The following EEFSEC variants were observed in gnomAD, a reference collection of about 807,000 sequenced individuals.
EEFSEC encodes the protein eukaryotic elongation factor, selenocysteine-tRNA specific, also known as selenocysteine-specific elongation factor.
Under a neutral mutation model 42.1 loss-of-function variants are expected in EEFSEC, and 43 were observed. The ratio of observed to expected loss-of-function variants is 1.02; its 90% CI spans 0.80 to 1.32. The LOEUF (loss-of-function observed/expected upper bound fraction) is 1.32, where lower values mean the gene tolerates loss of function less well. EEFSEC is among the 40% of genes most tolerant of loss of function. The pLI, the probability that EEFSEC is intolerant of heterozygous loss-of-function variation, is 0.00. For synonymous variants in EEFSEC, 354 were observed against 339.1 expected (o/e 1.04, Z -0.48); for missense variants, 745 against 803.6 (o/e 0.93, Z 0.88).
chr3:128,340,324 C>A (rs1020879516), intron 4 of EEFSEC, among the ~76,000 whole-genome samples: 8 of 151,522 alleles, frequency 5.3e-5, no homozygotes, highest in African/African-American at 1.9e-4. Context: ...TTCTTTATAG[C>A]ATATGTTGTC....
chr3:128,374,285 T>C (rs985132422), intron 6 of EEFSEC, among the ~76,000 whole-genome samples: 4 of 152,230 alleles, frequency 2.6e-5, no homozygotes, highest in Non-Finnish European at 5.9e-5. Flanking sequence ...CTGCTGTTCA[T>C]GTTTTCCCCT....
intron 4 of EEFSEC, among the ~76,000 whole-genome samples, chr3:128,318,991 G>A (rs1347394052): frequency 2.6e-5 from 4 of 152,078 alleles, no homozygotes; most frequent in Admixed American, 2.0e-4. Context: ...TCCTGGACAG[G>A]GTCTGAATCT....
At chr3:128,265,872 T>G (rs939246463) in intron 4 of EEFSEC, among the ~76,000 whole-genome samples, 1 of 152,256 alleles carries the variant, frequency 6.6e-6, no homozygotes, top group African/African-American at 2.4e-5. Flanking sequence ...TGTAGATATC[T>G]GTATCTCCTA....
chr3:128,318,450 C>G (rs1232659742), intron 4 of EEFSEC, among the ~76,000 whole-genome samples: 1 of 152,180 alleles, frequency 6.6e-6, no homozygotes, highest in East Asian at 1.9e-4. Flanking sequence ...AGCTCCCTGT[C>G]CCACCCGTTC....
intron 6 of EEFSEC, among the ~76,000 whole-genome samples, chr3:128,360,991 T>C (rs1027350310): frequency 2.1e-5 from 3 of 143,082 alleles, no homozygotes; most frequent in Admixed American, 7.1e-5. Context: ...GCCTGAGCCA[T>C]CCAGTGCCAG....
chr3:128,212,762 G>A (rs1201576295), intron 1 of EEFSEC, among the ~76,000 whole-genome samples: 2 of 152,218 alleles, frequency 1.3e-5, no homozygotes, highest in South Asian at 2.1e-4. Flanking sequence ...TCAAAATTCA[G>A]ATAGTCTCTG....
intron 4 of EEFSEC, among the ~76,000 whole-genome samples, chr3:128,278,194 T>C (rs113106130): frequency 2.0e-4 from 31 of 152,310 alleles, no homozygotes; most frequent in African/African-American, 6.5e-4. Context: ...AGCCAGGACC[T>C]TTCTGGGGAC....
chr3:128,177,501 A>G (rs1559855917), intron 1 of EEFSEC, among the ~76,000 whole-genome samples: 2 of 150,928 alleles, frequency 1.3e-5, no homozygotes, highest in South Asian at 2.1e-4. Context: ...TAAACTATCA[A>G]TAAAGCATTA....
rs185487967 is a variant in EEFSEC, at chr3:128,263,857, G to A, written c.622-760G>A. Reference sequence around the variant, plus strand: ...GGTGAGGCTGAGGCGTGTGGAGTCCGCAGAGAAGGAAGGACCCTGGGAACA... The same window carrying A: ...GGTGAGGCTGAGGCGTGTGGAGTCCACAGAGAAGGAAGGACCCTGGGAACA... On this transcript the variant is annotated intron_variant, in intron 3 of 6. Coordinates refer to ENST00000254730, the MANE Select transcript of EEFSEC (RefSeq NM_021937.5). Among the ~76,000 whole-genome samples, 84 of 152,312 alleles carry A rather than the reference G, an allele frequency of 5.5e-4. No individual in the cohort carries two copies. The Middle Eastern group carries it at 0.02, about 37-fold the overall frequency.
chr3:128,280,160 A>G, intron 4 of EEFSEC, among the ~76,000 whole-genome samples: 1 of 152,232 alleles, frequency 6.6e-6, no homozygotes, highest in East Asian at 1.9e-4. Flanking sequence ...CTGTCTGCAT[A>G]TGTTTGTATA....
intron 4 of EEFSEC, among the ~76,000 whole-genome samples, chr3:128,339,281 G>C (rs2067224132): frequency 6.6e-6 from 1 of 152,150 alleles, no homozygotes; most frequent in African/African-American, 2.4e-5. Flanking sequence ...CTCCAGGAAA[G>C]GTCCTGGGCT....
At chr3:128,258,730 G>GT (rs1181200103) in intron 2 of EEFSEC, among the ~76,000 whole-genome samples, 3 of 152,106 alleles carry the variant, frequency 2.0e-5, no homozygotes, top group Non-Finnish European at 4.4e-5. Context: ...CTATCATATC[G>GT]TTTTTTCGTT....
chr3:128,320,837 G>A (rs1295277242), intron 4 of EEFSEC, among the ~76,000 whole-genome samples: 1 of 152,178 alleles, frequency 6.6e-6, no homozygotes, highest in Non-Finnish European at 1.5e-5. Flanking sequence ...ACTCCTGGAC[G>A]GGAGCTTCCT....
intron 4 of EEFSEC, among the ~76,000 whole-genome samples, chr3:128,327,154 A>G (rs2067072759): frequency 6.6e-6 from 1 of 152,226 alleles, no homozygotes; most frequent in South Asian, 2.1e-4. Context: ...ATGGACTTTC[A>G]GACTGCTGCC....
intron 2 of EEFSEC, among the ~76,000 whole-genome samples, chr3:128,249,523 T>C (rs2066162238): frequency 6.6e-6 from 1 of 152,184 alleles, no homozygotes; most frequent in African/African-American, 2.4e-5. Flanking sequence ...CTGTCCCCAC[T>C]ATATATACCC....
At chr3:128,209,434 C>T (rs2955128) in intron 1 of EEFSEC, among the ~76,000 whole-genome samples, 21,994 of 152,084 alleles carry the variant, frequency 0.14, 1,714 homozygotes, top group Admixed American at 0.2. Context: ...ATGTGGGGAA[C>T]TTGGATGGTA....
chr3:128,322,225 C>T (rs1460209417), intron 4 of EEFSEC, among the ~76,000 whole-genome samples: 2 of 152,242 alleles, frequency 1.3e-5, no homozygotes, highest in Non-Finnish European at 2.9e-5. Context: ...AGGTTCAAAT[C>T]CCAGCTCTGC....
intron 4 of EEFSEC, among the ~76,000 whole-genome samples, chr3:128,279,157 G>A (rs1466948007): frequency 6.6e-6 from 1 of 152,198 alleles, no homozygotes; most frequent in African/African-American, 2.4e-5. Context: ...GGCGGCGTTG[G>A]GCAGTGGCGG....
intron 2 of EEFSEC, among the ~76,000 whole-genome samples, chr3:128,260,947 A>G (rs1474495007): frequency 1.4e-5 from 2 of 139,770 alleles, no homozygotes; most frequent in East Asian, 2.2e-4. Context: ...TACCCCACGA[A>G]TTCATCCCAC....
Sources: allele counts gnomAD v4.1 joint callset (sites outside exome capture counted in the v4.1 genomes callset), GRCh38; gene constraint gnomAD v4.1.1; transcripts MANE v1.5; gene names NCBI Gene and HGNC (gene_info 2026-07-23, HGNC 2026-07-21).